The following TNS1 variants were observed in gnomAD, a reference collection of about 807,000 sequenced individuals.
TNS1 encodes tensin 1, also known as tensin-1.
Under a neutral mutation model 168.6 loss-of-function variants are expected in TNS1, and 62 were observed. The ratio of observed to expected loss-of-function variants is 0.37; its 90% CI spans 0.30 to 0.45. The LOEUF (loss-of-function observed/expected upper bound fraction) is 0.45. Ranked by LOEUF, TNS1 falls within the 20% of genes least tolerant of loss-of-function variation. The probability of loss-of-function intolerance (pLI) is 1.00; values close to 1 mark genes in which losing one functional copy is unlikely to be tolerated. For synonymous variants in TNS1, 934 were observed against 933.2 expected (o/e 1.00, Z -0.02); for missense variants, 2,240 against 2,339.4 (o/e 0.96, Z 0.88).
intron 2 of TNS1, among the ~76,000 whole-genome samples, chr2:217,989,503 G>C (rs1958295491): frequency 6.6e-6 from 1 of 152,160 alleles, no homozygotes; most frequent in East Asian, 1.9e-4. Flanking sequence ...GGAAGCATCA[G>C]ATGGGGCAAC....
intron 3 of TNS1, among the ~76,000 whole-genome samples, chr2:217,962,754 A>C (rs1226064770): frequency 2.6e-5 from 4 of 152,238 alleles, no homozygotes; most frequent in Non-Finnish European, 5.9e-5. Flanking sequence ...CAAAAGTGCC[A>C]AACTCATCAG....
chr2:217,900,903 G>A (rs775514992), intron 6 of TNS1, among the ~76,000 whole-genome samples: 1 of 152,170 alleles, frequency 6.6e-6, no homozygotes, highest in Non-Finnish European at 1.5e-5. Flanking sequence ...ACCACAAAAG[G>A]AGCGATGAGA....
chr2:217,869,428 G>A (rs1293675726), intron 18 of TNS1, among the ~76,000 whole-genome samples: 1 of 152,210 alleles, frequency 6.6e-6, no homozygotes, highest in African/African-American at 2.4e-5. Flanking sequence ...CCTTCACCAC[G>A]GAGGGTTAGA....
At position 217,880,894 on chromosome 2, in the gene TNS1, C is replaced by T; in HGVS notation, c.1429+4G>A. 6.2e-7 allele frequency: 1 copy of T among 1,611,776 alleles called. No homozygotes were observed. Among genetic ancestry groups the T allele is most frequent in the Non-Finnish European group, 8.5e-7 (1 of 1,177,878 alleles). ...GGGGCTGGGAGCCACTAGGTCCCAC[C>T]TACCCTCCATGCCGTCATCTCGATG... On this transcript the variant is annotated splice_donor_region_variant and intron_variant, in intron 18 of 32. Coordinates refer to ENST00000682258, the MANE Select transcript of TNS1 (RefSeq NM_001387777.1). The surrounding 1 kb of genome is among the most constrained non-coding windows in gnomAD (Gnocchi z 4.2).
rs924169102 is a variant in TNS1, at chr2:217,890,904, C to T, written c.866+58G>A. 4.5e-6 allele frequency: 7 copies of T among 1,558,724 alleles called. No individual in the cohort carries two copies. In the African/African-American group the frequency reaches 9.5e-5, roughly 21 times the overall value. ...ATCCCTGTGAGTACACAAGTCTAGT[C>T]CCCACATAGAGTGAGTGCACACATA... is the stretch of plus-strand genomic sequence containing the variant. On this transcript the variant is annotated intron_variant, in intron 12 of 32. Transcript: ENST00000682258.
rs754208275 is a variant in TNS1 at position 217,813,841 on chromosome 2, G to C, written c.4730-25C>G. 1 of 1,573,568 alleles carries C rather than the reference G, an allele frequency of 6.4e-7. No homozygotes were observed. The highest frequency in any genetic ancestry group is 8.6e-7 in the Non-Finnish European group (1 of 1,158,574). ...GCTGCATGGGGAAGGGACAAGGAGAGAGGAGGAAGCAAGACCTCGGTGGCG... is the reference window on the plus strand; with the variant it reads ...GCTGCATGGGGAAGGGACAAGGAGACAGGAGGAAGCAAGACCTCGGTGGCG... On this transcript the variant is annotated intron_variant, in intron 25 of 32. Coordinates refer to ENST00000682258, the MANE Select transcript of TNS1 (RefSeq NM_001387777.1). The surrounding 1 kb of genome is among the most constrained non-coding windows in gnomAD (Gnocchi z 4.0).
chr2:217,930,972 G>C (rs916290387), intron 3 of TNS1, among the ~76,000 whole-genome samples: 2 of 152,132 alleles, frequency 1.3e-5, no homozygotes, highest in African/African-American at 4.8e-5. Flanking sequence ...TGTGGTCATG[G>C]TTCTAGTGGA....
At chr2:217,950,573 C>G (rs955930621) in intron 3 of TNS1, among the ~76,000 whole-genome samples, 1 of 150,268 alleles carries the variant, frequency 6.7e-6, no homozygotes. Flanking sequence ...ATGTGCTGTC[C>G]CAGGTAGGCC....
chr2:218,024,039 T>C (rs548562564), intron 1 of TNS1, among the ~76,000 whole-genome samples: 1 of 152,340 alleles, frequency 6.6e-6, no homozygotes, highest in African/African-American at 2.4e-5. Context: ...GCATATGCTC[T>C]ATACTCCGAA....
chr2:217,994,106 T>C (rs1958426066), intron 1 of TNS1, among the ~76,000 whole-genome samples: 2 of 152,110 alleles, frequency 1.3e-5, no homozygotes, highest in African/African-American at 4.8e-5. Context: ...GGTTCTGATA[T>C]TCCAGAGAGC....
chr2:217,880,797 T>G lies in TNS1; in HGVS notation c.1429+101A>C. ...CCTCACACTTCCCCTCTGCCTCCTCTCGAACCCAGATCTCTTGAAAGCAGG... is the reference window on the plus strand; with the variant it reads ...CCTCACACTTCCCCTCTGCCTCCTCGCGAACCCAGATCTCTTGAAAGCAGG... On this transcript the variant is annotated intron_variant, in intron 18 of 32. Transcript: ENST00000682258. This position sits in a 1 kb window ranked among gnomAD's most constrained non-coding sequence, Gnocchi z 4.2. The G allele has an allele frequency of 1.1e-6, 1 of 902,604 alleles. No individual in the cohort carries two copies. Among genetic ancestry groups the G allele is most frequent in the Non-Finnish European group, 1.8e-6 (1 of 557,516 alleles). The allele number at this position is 902,604 out of a possible 1,614,324, so 55.9% of individuals were successfully genotyped here. A position where few individuals can be genotyped will look rare whatever the true frequency, so the allele number is the denominator to read the frequency against.
intron 18 of TNS1, chr2:217,849,851 G>A (rs1166805492): frequency 3.0e-6 from 3 of 985,294 alleles, no homozygotes; most frequent in East Asian, 1.1e-4. Flanking sequence ...GCAGCAAAGG[G>A]CCCCACCATG....
intron 19 of TNS1, among the ~76,000 whole-genome samples, chr2:217,837,132 C>T (rs182418034): frequency 1.6e-3 from 237 of 152,282 alleles, no homozygotes; most frequent in African/African-American, 5.5e-3. Context: ...TCTTGACTCT[C>T]TTCTGGGAAG....
At chr2:217,833,154 T>C (rs1193934858) in intron 21 of TNS1, among the ~76,000 whole-genome samples, 2 of 152,206 alleles carry the variant, frequency 1.3e-5, no homozygotes, top group Non-Finnish European at 2.9e-5. Flanking sequence ...AGCCCACAGG[T>C]ACGCGCATGT....
intron 3 of TNS1, among the ~76,000 whole-genome samples, chr2:217,922,885 T>C (rs1955804397): frequency 6.6e-6 from 1 of 152,212 alleles, no homozygotes; most frequent in Non-Finnish European, 1.5e-5. Flanking sequence ...CCAGGCCCAC[T>C]GGCCGGCCAG....
At chr2:218,018,054 T>C (rs552853947) in intron 1 of TNS1, among the ~76,000 whole-genome samples, 1 of 152,254 alleles carries the variant, frequency 6.6e-6, no homozygotes, top group African/African-American at 2.4e-5. Context: ...TGGAGGCATA[T>C]GAAGAGGCTG....
intron 3 of TNS1, among the ~76,000 whole-genome samples, chr2:217,940,944 G>A (rs1363122555): frequency 6.6e-6 from 1 of 152,134 alleles, no homozygotes; most frequent in Non-Finnish European, 1.5e-5. Context: ...GTTTGGAAAG[G>A]CCTGTGAGAG....
At position 217,831,494 on chromosome 2, in the gene TNS1, GT is replaced by G; in HGVS notation, c.3333del (p.Lys1111AsnfsTer55). ...AACAGGATGTCCGCTGGGTTGTGAG[GT>G]TTCAGGCCCAGAGCAGACAGGGGTG... is the stretch of plus-strand genomic sequence containing the variant. ...AKTPLSALGL[K>X]PHNPADILLH... is the part of the protein sequence containing the mutation. On this transcript the variant is annotated frameshift_variant, in exon 22 of 33. Transcript: ENST00000682258. LOFTEE classifies it high-confidence loss of function. 1.3e-6 allele frequency: 2 copies of G among 1,585,648 alleles called. No homozygotes were observed. The highest frequency in any genetic ancestry group is 1.8e-5 in the Admixed American group (1 of 56,560).
chr2:217,894,984 C>T (rs1351051241), intron 9 of TNS1, 22 bp downstream of exon 9: 7 of 1,611,798 alleles, frequency 4.3e-6, no homozygotes, highest in Non-Finnish European at 5.9e-6. Context: ...CCTCCCCTAC[C>T]CCAAAACAGC....
Sources: gnomAD v4.1 joint callset for allele counts (sites outside exome capture counted in the v4.1 genomes callset) on GRCh38, gnomAD v4.1.1 for gene constraint, Gnocchi (gnomAD v3.1) non-coding constraint, MANE v1.5 for transcripts, NCBI Gene and HGNC (gene_info 2026-07-23, HGNC 2026-07-21) for gene names.